Variants in CALN1 observed in about 807,000 individuals in gnomAD.
The protein encoded by CALN1 is calneuron 1, also known as calcium-binding protein 8.
Under a neutral mutation model 30.6 loss-of-function variants are expected in CALN1, and 17 were observed. The ratio of observed to expected loss-of-function variants is 0.56; its 90% CI spans 0.38 to 0.83. CALN1 has a LOEUF of 0.83. CALN1 is among the 40% of genes least tolerant of loss of function. CALN1 has a pLI of 0.00. For missense variants in CALN1, 291 were observed against 354.9 expected, an observed-to-expected ratio of 0.82 and a Z score of 1.45; for synonymous variants, 156 against 131.4, an observed-to-expected ratio of 1.19 and a Z score of -1.28.
chr7:71,846,941 G>GTA (rs1188535789), intron 5 of CALN1, among the ~76,000 whole-genome samples: 2 of 140,164 alleles, frequency 1.4e-5, no homozygotes, highest in Non-Finnish European at 3.1e-5. Flanking sequence ...ATACATATAT[G>GTA]TATATATACA....
chr7:72,476,082 G>A, the CALN1 span, among the ~76,000 whole-genome samples: 2 of 151,356 alleles, frequency 1.3e-5, no homozygotes, highest in South Asian at 4.2e-4. Flanking sequence ...CCAAGTAGCT[G>A]GGATTACAGG....
chr7:72,045,365 C>G (rs761833845), intron 4 of CALN1, among the ~76,000 whole-genome samples: 1 of 152,138 alleles, frequency 6.6e-6, no homozygotes, highest in African/African-American at 2.4e-5. Context: ...GGCATCTTGT[C>G]CCCCTTCCCT....
At chr7:71,874,488 T>C (rs112468640) in intron 5 of CALN1, among the ~76,000 whole-genome samples, 7,153 of 152,150 alleles carry the variant, frequency 0.047, 530 homozygotes, top group African/African-American at 0.16. Flanking sequence ...AGGTTCACAT[T>C]CTTCATTCTC....
chr7:72,365,345 AAAT>A (rs1446587883), intron 2 of CALN1, among the ~76,000 whole-genome samples: 17 of 152,172 alleles, frequency 1.1e-4, no homozygotes, highest in Non-Finnish European at 1.6e-4. Context: ...AAGAAGAAAA[AAAT>A]AATAATTATA....
At chr7:71,847,847 G>GAGAAGGAGAAGAAGAAGAAGA (rs746393698) in intron 5 of CALN1, among the ~76,000 whole-genome samples, 105 of 134,856 alleles carry the variant, frequency 7.8e-4, no homozygotes, top group East Asian at 3.5e-3. Context: ...GAAGGAGAAG[G>GAGAAGGAGAAGAAGAAGAAGA]AGAAGAAGAA....
At chr7:72,315,270 A>T (rs1280606523) in intron 2 of CALN1, among the ~76,000 whole-genome samples, 2 of 152,212 alleles carry the variant, frequency 1.3e-5, no homozygotes, top group Non-Finnish European at 2.9e-5. Flanking sequence ...TCTTTCCACT[A>T]CAATTCTTTA....
At chr7:71,870,212 G>A (rs995629417) in intron 5 of CALN1, among the ~76,000 whole-genome samples, 9 of 152,074 alleles carry the variant, frequency 5.9e-5, no homozygotes, top group Non-Finnish European at 1.2e-4. Flanking sequence ...GTGAAACCCC[G>A]TCTCTACTAA....
chr7:71,875,087 C>A (rs1020075891), intron 5 of CALN1, among the ~76,000 whole-genome samples: 1 of 145,228 alleles, frequency 6.9e-6, no homozygotes, highest in East Asian at 2.1e-4. Flanking sequence ...ATCACTTGAG[C>A]CTGGGAGGCA....
intron 2 of CALN1, among the ~76,000 whole-genome samples, chr7:72,295,061 G>A (rs1184474419): frequency 1.3e-5 from 2 of 152,084 alleles, no homozygotes; most frequent in African/African-American, 2.4e-5. Flanking sequence ...TACTTTCAGT[G>A]TATACTGGGC....
At chr7:72,342,276 A>AT (rs1802421016) in intron 2 of CALN1, among the ~76,000 whole-genome samples, 1 of 151,356 alleles carries the variant, frequency 6.6e-6, no homozygotes, top group Non-Finnish European at 1.5e-5. Context: ...AAAAAAAAAA[A>AT]TCAGAAACAC....
At chr7:71,920,978 G>A (rs1157685966) in intron 5 of CALN1, among the ~76,000 whole-genome samples, 1 of 152,158 alleles carries the variant, frequency 6.6e-6, no homozygotes, top group African/African-American at 2.4e-5. Context: ...GTGATAGACT[G>A]GATAAAGAAA....
At chr7:72,044,995 A>C (rs751494837) in intron 4 of CALN1, among the ~76,000 whole-genome samples, 21 of 152,158 alleles carry the variant, frequency 1.4e-4, no homozygotes, top group Non-Finnish European at 2.8e-4. Context: ...AATAATCTTG[A>C]CTTCAGGATT....
upstream of CALN1, among the ~76,000 whole-genome samples, chr7:72,451,489 G>T (rs7341394): frequency 9.3e-3 from 1,410 of 152,190 alleles, 30 homozygotes; most frequent in African/African-American, 0.033. Flanking sequence ...CCAAAGACAA[G>T]AACTCAACTC....
chr7:72,391,254 G>A (rs1218952654), intron 2 of CALN1, among the ~76,000 whole-genome samples: 1 of 152,168 alleles, frequency 6.6e-6, no homozygotes, highest in African/African-American at 2.4e-5. Flanking sequence ...GCTGCAGAGG[G>A]CTAAGATGGT....
At chr7:71,991,224 C>T (rs1370315815) in intron 5 of CALN1, among the ~76,000 whole-genome samples, 2 of 152,052 alleles carry the variant, frequency 1.3e-5, no homozygotes, top group Non-Finnish European at 2.9e-5. Flanking sequence ...TTTGGGAGGC[C>T]AAGGCGGGCA....
intron 2 of CALN1, among the ~76,000 whole-genome samples, chr7:72,322,017 G>C (rs1171442425): frequency 6.6e-6 from 1 of 152,190 alleles, no homozygotes; most frequent in Non-Finnish European, 1.5e-5. Context: ...GGAGAGGATG[G>C]TTTGGGGATG....
upstream of CALN1, among the ~76,000 whole-genome samples, chr7:72,413,512 C>T (rs751885251): frequency 4.6e-5 from 7 of 151,846 alleles, no homozygotes; most frequent in Non-Finnish European, 1.0e-4. Context: ...ACTCACACAT[C>T]AGATACACTC....
At chr7:72,326,909 TCTC>T (rs1801318005) in intron 2 of CALN1, among the ~76,000 whole-genome samples, 1 of 152,166 alleles carries the variant, frequency 6.6e-6, no homozygotes, top group Admixed American at 6.5e-5. Context: ...AGGTTCCTCT[TCTC>T]CTTTAAATTC....
chr7:72,325,857 T>G (rs1022631423), intron 2 of CALN1, among the ~76,000 whole-genome samples: 8 of 152,106 alleles, frequency 5.3e-5, no homozygotes, highest in Non-Finnish European at 1.0e-4. Context: ...CGCAGAGACC[T>G]CTCTGCCGCT....
Sources: allele counts gnomAD v4.1 joint callset (sites outside exome capture counted in the v4.1 genomes callset), GRCh38; gene constraint gnomAD v4.1.1; transcripts MANE v1.5; gene names NCBI Gene and HGNC (gene_info 2026-07-23, HGNC 2026-07-21).